The following DPP6 variants were observed in gnomAD, a reference collection of about 807,000 sequenced individuals.
The protein encoded by DPP6 is A-type potassium channel modulatory protein DPP6.
In DPP6, 69 loss-of-function variants were observed where a neutral mutation model predicts 122.6. The ratio of observed to expected loss-of-function variants is 0.56; its 90% CI spans 0.46 to 0.69. The LOEUF (loss-of-function observed/expected upper bound fraction) is 0.69, where lower values mean the gene tolerates loss of function less well. Among genes scored for constraint, DPP6 ranks in the 30% least tolerant of loss-of-function variants. DPP6 has a pLI of 0.00. For synonymous variants in DPP6, 418 were observed against 433.1 expected (o/e 0.97, Z 0.43); for missense variants, 928 against 1,116.9 (o/e 0.83, Z 2.41).
At chr7:154,480,459 C>G (rs896557676) in intron 3 of DPP6, among the ~76,000 whole-genome samples, 1 of 152,206 alleles carries the variant, frequency 6.6e-6, no homozygotes, top group Non-Finnish European at 1.5e-5. Context: ...CTGCCAGCAG[C>G]ATTGGACACC....
chr7:154,299,814 A>G (rs1805786263), intron 1 of DPP6, among the ~76,000 whole-genome samples: 2 of 152,240 alleles, frequency 1.3e-5, no homozygotes, highest in Non-Finnish European at 2.9e-5. Context: ...TATTCGAAGC[A>G]AAGCGACTGC....
the DPP6 span, among the ~76,000 whole-genome samples, chr7:153,768,938 G>T: frequency 6.6e-6 from 1 of 152,296 alleles, no homozygotes; most frequent in East Asian, 1.9e-4. Flanking sequence ...AGTAAATAGT[G>T]AAAAGGAAGT....
upstream of DPP6, among the ~76,000 whole-genome samples, chr7:154,050,500 C>T (rs1254223011): frequency 6.6e-6 from 1 of 151,940 alleles, no homozygotes; most frequent in Non-Finnish European, 1.5e-5. Context: ...ATGTCAGGAT[C>T]GCGATGCTGC....
At chr7:153,934,666 G>A (rs889685674) in intron 1 of DPP6, among the ~76,000 whole-genome samples, 1 of 152,096 alleles carries the variant, frequency 6.6e-6, no homozygotes, top group African/African-American at 2.4e-5. Flanking sequence ...ATACAAACAC[G>A]AGCAGACACT....
intron 1 of DPP6, among the ~76,000 whole-genome samples, chr7:153,977,808 T>TTGGTTTTC (rs1281054981): frequency 1.3e-5 from 2 of 152,244 alleles, no homozygotes; most frequent in East Asian, 3.9e-4. Context: ...CACATGGTGT[T>TTGGTTTTC]TGGTTTTCTG....
the DPP6 span, among the ~76,000 whole-genome samples, chr7:153,759,881 T>A: frequency 3.3e-4 from 50 of 152,144 alleles, no homozygotes; most frequent in African/African-American, 1.0e-3. Flanking sequence ...CTGCAAATAT[T>A]TCCCTGCTTC....
intron 1 of DPP6, among the ~76,000 whole-genome samples, chr7:154,336,758 C>T (rs904605151): frequency 6.6e-6 from 1 of 152,080 alleles, no homozygotes; most frequent in Non-Finnish European, 1.5e-5. Context: ...GTTGGGCGGG[C>T]CATGGTTACA....
chr7:154,697,762 G>A lies in DPP6; in HGVS notation c.762+28321G>A, dbSNP rs58291908. Among the ~76,000 whole-genome samples the A allele has an allele frequency of 8.8e-3, 1,335 of 152,290 alleles. 22 individuals carry two copies. The highest frequency in any genetic ancestry group is 0.03 in the African/African-American group (1,260 of 41,550). On this transcript the variant is annotated intron_variant, in intron 7 of 25. Coordinates refer to ENST00000377770, the MANE Select transcript of DPP6 (RefSeq NM_130797.4). The stretch of plus-strand genomic sequence containing the variant: ...CGTAAAAATGCCACTTCTTCTGCAA[G>A]GTTTTCTTGAACTCCCAGGTTCGAA...
chr7:153,794,407 T>C, the DPP6 span, among the ~76,000 whole-genome samples: 1 of 152,186 alleles, frequency 6.6e-6, no homozygotes, highest in Non-Finnish European at 1.5e-5. Flanking sequence ...CAGACTTGCA[T>C]GGGCCTTGTA....
intron 1 of DPP6, among the ~76,000 whole-genome samples, chr7:154,275,679 G>A (rs1250138910): frequency 3.3e-5 from 5 of 152,212 alleles, no homozygotes; most frequent in Admixed American, 3.3e-4. Context: ...GCAGATGTGA[G>A]GACAGTTTAA....
intron 8 of DPP6, among the ~76,000 whole-genome samples, chr7:154,742,313 G>T (rs1842853691): frequency 6.6e-6 from 1 of 152,214 alleles, no homozygotes; most frequent in Non-Finnish European, 1.5e-5. Flanking sequence ...ATCTGGACCT[G>T]CCTTCACAAA....
rs565212814 is a variant in DPP6, at chr7:154,483,115, G to A, written c.457+8078G>A. Among the ~76,000 whole-genome samples, 207 of 152,292 alleles carry A rather than the reference G, an allele frequency of 1.4e-3. 1 individual carries two copies. Among genetic ancestry groups the A allele is most frequent in the Non-Finnish European group, 2.4e-3 (163 of 68,024 alleles). On this transcript the variant is annotated intron_variant, in intron 3 of 25. Transcript: ENST00000377770. This position sits in a 1 kb window ranked among gnomAD's most constrained non-coding sequence, Gnocchi z 8.1. ...GGAGGGAAGAGGGGAAGAGGGACACGGAGGTGTCTGAGGAAGTGTGGTCAG... is the reference window on the plus strand; with the variant it reads ...GGAGGGAAGAGGGGAAGAGGGACACAGAGGTGTCTGAGGAAGTGTGGTCAG...
At position 154,497,803 on chromosome 7, in the gene DPP6, C is replaced by T. The variant is rs566847643; in HGVS notation, c.457+22766C>T. Among the ~76,000 whole-genome samples the T allele has an allele frequency of 1.2e-3, 180 of 151,880 alleles. 1 individual carries two copies. The highest frequency in any genetic ancestry group is 2.0e-3 in the Admixed American group (31 of 15,232). On this transcript the variant is annotated intron_variant, in intron 3 of 25. Transcript: ENST00000377770. ...CCTGGGAAGGAATAAAACAAAGGGTCGTCAATATTTATCTTCTAGGATCAG... is the reference window on the plus strand; with the variant it reads ...CCTGGGAAGGAATAAAACAAAGGGTTGTCAATATTTATCTTCTAGGATCAG...
intron 3 of DPP6, among the ~76,000 whole-genome samples, chr7:154,493,204 C>T (rs1199365252): frequency 6.6e-6 from 1 of 152,198 alleles, no homozygotes; most frequent in Non-Finnish European, 1.5e-5. Context: ...GAAGTTTATG[C>T]TTCAATAACT....
chr7:154,179,562 C>T (rs781726297), intron 1 of DPP6, among the ~76,000 whole-genome samples: 2 of 152,144 alleles, frequency 1.3e-5, no homozygotes. Flanking sequence ...CTGGCATGAG[C>T]TCCCCATGTC....
At chr7:154,677,984 G>A (rs575878994) in intron 7 of DPP6, among the ~76,000 whole-genome samples, 8 of 152,238 alleles carry the variant, frequency 5.3e-5, no homozygotes, top group Non-Finnish European at 1.2e-4. Flanking sequence ...CTAGCTAAAG[G>A]TTTGTAAACG....
intron 4 of DPP6, among the ~76,000 whole-genome samples, chr7:154,557,895 A>C (rs1830157072): frequency 6.6e-6 from 1 of 152,146 alleles, no homozygotes; most frequent in Non-Finnish European, 1.5e-5. Context: ...GAAACTAGAG[A>C]ATACTCACAA....
At chr7:153,885,136 T>C (rs889719784), upstream of DPP6, among the ~76,000 whole-genome samples, 1 of 150,610 alleles carries the variant, frequency 6.6e-6, no homozygotes, top group Non-Finnish European at 1.5e-5. Flanking sequence ...GGAGGAAAAT[T>C]CTAGATGAAC....
the DPP6 span, among the ~76,000 whole-genome samples, chr7:153,812,909 A>G: frequency 5.4e-3 from 826 of 152,294 alleles, 9 homozygotes; most frequent in African/African-American, 0.018. Flanking sequence ...GATTTATTTT[A>G]AAAAAAGAGA....
Sources: gnomAD v4.1 joint callset for allele counts (sites outside exome capture counted in the v4.1 genomes callset) on GRCh38, gnomAD v4.1.1 for gene constraint, Gnocchi (gnomAD v3.1) non-coding constraint, MANE v1.5 for transcripts, NCBI Gene and HGNC (gene_info 2026-07-23, HGNC 2026-07-21) for gene names.